The following CPED1 variants were observed in gnomAD, a reference collection of about 807,000 sequenced individuals.
CPED1 encodes cadherin-like and PC-esterase domain-containing protein 1.
In CPED1, 114 loss-of-function variants were observed where a neutral mutation model predicts 128.2. The ratio of observed to expected loss-of-function variants is 0.89; its 90% CI spans 0.76 to 1.04. The LOEUF (loss-of-function observed/expected upper bound fraction) is 1.04. Among genes scored for constraint, CPED1 ranks in the 50% least tolerant of loss-of-function variants. CPED1 has a pLI of 0.00. For synonymous variants in CPED1, 462 were observed against 426.7 expected, an observed-to-expected ratio of 1.08 and a Z score of -1.02; for missense variants, 1,211 against 1,207.1, an observed-to-expected ratio of 1.00 and a Z score of -0.05.
At chr7:121,209,849 A>G (rs1353496494) in intron 16 of CPED1, among the ~76,000 whole-genome samples, 1 of 152,030 alleles carries the variant, frequency 6.6e-6, no homozygotes, top group Non-Finnish European at 1.5e-5. Flanking sequence ...TCTTCAAACT[A>G]TCCATTTGAT....
intron 5 of CPED1, among the ~76,000 whole-genome samples, chr7:121,094,024 A>G (rs901431465): frequency 1.3e-5 from 2 of 152,116 alleles, no homozygotes; most frequent in African/African-American, 4.8e-5. Flanking sequence ...TATTTGCTAT[A>G]TGTGAAAGTT....
At chr7:121,190,931 A>T (rs1377048065) in intron 16 of CPED1, among the ~76,000 whole-genome samples, 2 of 152,130 alleles carry the variant, frequency 1.3e-5, no homozygotes, top group African/African-American at 2.4e-5. Flanking sequence ...TATTTTACAA[A>T]AGTCGCACGC....
chr7:121,266,425 G>T lies in CPED1; in HGVS notation c.2509G>T (p.Ala837Ser). The change falls in exon 19 of 23, where the codon GCA (alanine) becomes TCA (serine). Residue 837 changes from alanine (A) to serine (S), a missense_variant. Coordinates refer to ENST00000310396, the MANE Select transcript of CPED1 (RefSeq NM_024913.5). ...SPSLRPTFEN[A>S]LEHLLQRSRP... The stretch of plus-strand genomic sequence containing the variant: ...TTCATTGAGACCAACATTTGAAAAT[G>T]CACTTGAACACCTCTTGCAAAGGTA... 1 of 1,612,538 alleles carries T rather than the reference G, an allele frequency of 6.2e-7. No individual in the cohort carries two copies. Among genetic ancestry groups the T allele is most frequent in the Non-Finnish European group, 8.5e-7 (1 of 1,178,934 alleles).
intron 12 of CPED1, 44 bp downstream of exon 12, chr7:121,130,338 T>G: frequency 5.4e-5 from 80 of 1,491,556 alleles, no homozygotes; most frequent in Non-Finnish European, 6.5e-5. Context: ...AAAAAATCTC[T>G]AGTTTACAGA....
At chr7:121,230,819 A>T (rs1445021406) in intron 16 of CPED1, among the ~76,000 whole-genome samples, 1 of 152,100 alleles carries the variant, frequency 6.6e-6, no homozygotes, top group African/African-American at 2.4e-5. Flanking sequence ...GCTGTAAGAA[A>T]AACAGGGGAG....
chr7:120,991,243 A>T (rs1796304910), intron 2 of CPED1, among the ~76,000 whole-genome samples: 1 of 152,250 alleles, frequency 6.6e-6, no homozygotes, highest in Non-Finnish European at 1.5e-5. Context: ...GAACTATCTT[A>T]TGACAAAGAA....
At chr7:121,087,485 C>T (rs2116167680) in intron 5 of CPED1, among the ~76,000 whole-genome samples, 1 of 152,228 alleles carries the variant, frequency 6.6e-6, no homozygotes, top group Middle Eastern at 3.4e-3. Flanking sequence ...AGAGGGGTAT[C>T]TGTATTTTGA....
At chr7:121,157,467 G>A (rs1481149863) in intron 16 of CPED1, among the ~76,000 whole-genome samples, 1 of 152,126 alleles carries the variant, frequency 6.6e-6, no homozygotes, top group Non-Finnish European at 1.5e-5. Flanking sequence ...AACGGGGTGT[G>A]TTTCTAGCTG....
chr7:121,048,312 C>A (rs963918396), intron 4 of CPED1, among the ~76,000 whole-genome samples: 1 of 152,164 alleles, frequency 6.6e-6, no homozygotes, highest in Non-Finnish European at 1.5e-5. Context: ...TCAGTAAATT[C>A]TCTCCTGCTC....
intron 14 of CPED1, among the ~76,000 whole-genome samples, chr7:121,139,493 C>G (rs1321328111): frequency 6.6e-6 from 1 of 151,518 alleles, no homozygotes; most frequent in Non-Finnish European, 1.5e-5. Context: ...TTGGTGGTAC[C>G]CATCGTCATG....
At chr7:121,272,757 C>T (rs1261650555) in intron 22 of CPED1, among the ~76,000 whole-genome samples, 2 of 152,044 alleles carry the variant, frequency 1.3e-5, no homozygotes, top group Non-Finnish European at 2.9e-5. Flanking sequence ...TATATCATAC[C>T]AGTTCTAATG....
chr7:121,237,849 C>T (rs1002214530), intron 17 of CPED1, among the ~76,000 whole-genome samples: 2 of 152,120 alleles, frequency 1.3e-5, no homozygotes, highest in Non-Finnish European at 2.9e-5. Flanking sequence ...GGCATGTCAC[C>T]ATTCTTGAAC....
chr7:121,152,793 G>A (rs1399684705), intron 16 of CPED1, among the ~76,000 whole-genome samples: 4 of 152,144 alleles, frequency 2.6e-5, no homozygotes, highest in Admixed American at 2.0e-4. Context: ...TTAAATTTAA[G>A]TTTAGATTTA....
At chr7:121,124,816 A>G (rs1468577914) in intron 8 of CPED1, among the ~76,000 whole-genome samples, 9 of 152,208 alleles carry the variant, frequency 5.9e-5, no homozygotes, top group Non-Finnish European at 1.2e-4. Flanking sequence ...TACATAATAA[A>G]TTTCATTCTC....
In CPED1 at chr7:121,097,802, G is replaced by A; in HGVS notation, c.720G>A (p.Trp240Ter). 1 of 1,613,790 alleles carries A rather than the reference G, an allele frequency of 6.2e-7. No individual in the cohort carries two copies. The highest frequency in any genetic ancestry group is 8.5e-7 in the Non-Finnish European group (1 of 1,179,762). ...TAAAAACAGTGAAGCCACGTGTGTG[G>A]AAACCAGGGGACTGGAGTCGTGAAC... Reference protein sequence around the residue: ...HLLKTVKPRVWKPGDWSREQL... With the variant: ...HLLKTVKPRV Residue 240 changes from tryptophan to a stop codon, truncating the protein, a stop_gained, in exon 6 of 23, where the codon TGG becomes TGA. Transcript: ENST00000310396. LOFTEE classifies it high-confidence loss of function.
chr7:121,032,737 A>AG (rs1792768870), intron 3 of CPED1, among the ~76,000 whole-genome samples: 1 of 152,098 alleles, frequency 6.6e-6, no homozygotes, highest in Non-Finnish European at 1.5e-5. Context: ...GAAAAAAAAA[A>AG]CAACACTTCT....
intron 16 of CPED1, among the ~76,000 whole-genome samples, chr7:121,158,073 G>T (rs1796332452): frequency 1.3e-5 from 2 of 152,136 alleles, no homozygotes; most frequent in African/African-American, 4.8e-5. Context: ...CTCCTTCAGT[G>T]ATATCTCCAA....
At chr7:121,237,673 C>G (rs1798290149) in intron 17 of CPED1, among the ~76,000 whole-genome samples, 1 of 152,142 alleles carries the variant, frequency 6.6e-6, no homozygotes, top group African/African-American at 2.4e-5. Flanking sequence ...CTGGTTACTG[C>G]TCTGTCCTCC....
At chr7:121,172,333 T>C (rs1464447658) in intron 16 of CPED1, among the ~76,000 whole-genome samples, 1 of 152,174 alleles carries the variant, frequency 6.6e-6, no homozygotes, top group East Asian at 1.9e-4. Flanking sequence ...TCCAAGAGTA[T>C]TTTTCTATCT....
Sources: allele counts gnomAD v4.1 joint callset (sites outside exome capture counted in the v4.1 genomes callset), GRCh38; gene constraint gnomAD v4.1.1; transcripts MANE v1.5; gene names NCBI Gene and HGNC (gene_info 2026-07-23, HGNC 2026-07-21).